Variants in TPSD1 observed in about 807,000 individuals in gnomAD.
TPSD1 encodes tryptase delta.
TPSD1 carries 30 observed loss-of-function variants against 25.4 expected under a neutral mutation model. The ratio of observed to expected loss-of-function variants is 1.18; its 90% CI spans 0.88 to 1.60. TPSD1 has a LOEUF of 1.60. Among genes scored for constraint, TPSD1 ranks in the 40% most tolerant of loss-of-function variants. TPSD1 has a pLI of 0.00. For synonymous variants in TPSD1, 176 were observed against 149.4 expected (o/e 1.18, Z -1.30); for missense variants, 420 against 324.2 (o/e 1.30, Z -2.27).
intron 3 of TPSD1, 181 bp from the exon 4 acceptor site, chr16:1,257,878 C>A: frequency 1.4e-6 from 1 of 690,920 alleles, no homozygotes; most frequent in Non-Finnish European, 2.4e-6. Flanking sequence ...AGGCCAGGGA[C>A]CCAGGACCAG....
In TPSD1 at chr16:1,258,666, CCCCTCCCCCATCCTGAG is replaced by C. The variant is rs1281732831; in HGVS notation, c.*294_*310del. 10 of 546,718 alleles carry C rather than the reference CCCCTCCCCCATCCTGAG, an allele frequency of 1.8e-5. 1 individual carries two copies. The highest frequency in any genetic ancestry group is 1.7e-4 in the African/African-American group (6 of 34,964). The allele number at this position is 546,718 out of a possible 1,614,324, so 33.9% of individuals were successfully genotyped here. On this transcript the variant is annotated 3_prime_UTR_variant, in exon 5 of 5. Coordinates refer to ENST00000211076, the MANE Select transcript of TPSD1 (RefSeq NM_012217.3). ...CCTGAGCCCCCTCCCCTTTCTTGAT[CCCCTCCCCCATCCTGAG>C]CCCCTCCCCCACCCTGAGCCCCTTC... is the stretch of plus-strand genomic sequence containing the variant.
chr16:1,256,625 C>G lies in TPSD1; in HGVS notation c.192C>G (p.His64Gln). 1 of 1,613,056 alleles carries G rather than the reference C, an allele frequency of 6.2e-7. No homozygotes were observed. The highest frequency in any genetic ancestry group is 1.1e-5 in the South Asian group (1 of 91,056). ...GAGTCCGCGGCCCATACTGGATGCA[C>G]TTCTGCGGGGGCTCCCTCATCCACC... ...SLRVRGPYWM[H>Q]FCGGSLIHPQ... The change falls in exon 2 of 5, where the codon CAC becomes CAG. Residue 64 changes from histidine to glutamine, a missense_variant. Physicochemically the swap from His to Gln is conservative, Grantham distance 24. Coordinates refer to ENST00000211076, the MANE Select transcript of TPSD1 (RefSeq NM_012217.3).
rs1173348982 is a variant in TPSD1 at position 1,258,867 on chromosome 16, G to T, written c.*491G>T. The T allele has an allele frequency of 8.0e-5, 1 of 12,480 alleles. No homozygotes were observed. Among genetic ancestry groups the T allele is most frequent in the Non-Finnish European group, 1.5e-4 (1 of 6,738 alleles). The allele number at this position is 12,480 out of a possible 1,614,324, so 0.8% of individuals were successfully genotyped here. A position where few individuals can be genotyped will look rare whatever the true frequency, so the allele number is the denominator to read the frequency against. The stretch of plus-strand genomic sequence containing the variant: ...CATCCTGAGCCCCCTCCTCCATCCT[G>T]CCCCCTCCTCCATCCTGAGCCTCCT... On this transcript the variant is annotated 3_prime_UTR_variant, in exon 5 of 5. Coordinates refer to ENST00000211076, the MANE Select transcript of TPSD1 (RefSeq NM_012217.3).
intron 3 of TPSD1, 175 bp downstream of exon 3, chr16:1,257,237 A>C: frequency 1.1e-6 from 1 of 906,294 alleles, no homozygotes; most frequent in Non-Finnish European, 1.6e-6. Context: ...AGAGACGGTG[A>C]GTCCAAAGGG....
At chr16:1,257,668 G>A (rs1016375052) in intron 3 of TPSD1, among the ~76,000 whole-genome samples, 2 of 152,110 alleles carry the variant, frequency 1.3e-5, no homozygotes, top group South Asian at 2.1e-4. Flanking sequence ...CCGCTATTCC[G>A]CCCCACACAG....
intron 3 of TPSD1, 87 bp from the exon 4 acceptor site, chr16:1,257,972 C>A: frequency 7.1e-7 from 1 of 1,411,886 alleles, no homozygotes; most frequent in Non-Finnish European, 9.7e-7. Flanking sequence ...ATGGTGCCAT[C>A]TCCCCTGCCC....
In TPSD1 at chr16:1,258,051, G is replaced by A. The variant is rs375549013; in HGVS notation, c.521-8G>A. 7.2e-5 allele frequency: 113 copies of A among 1,559,320 alleles called. No individual in the cohort carries two copies. The highest frequency in any genetic ancestry group is 2.0e-4 in the Middle Eastern group (1 of 4,914). On this transcript the variant is annotated splice_region_variant and splice_polypyrimidine_tract_variant and intron_variant, in intron 3 of 4. Coordinates refer to ENST00000211076, the MANE Select transcript of TPSD1 (RefSeq NM_012217.3). ...CAGACCCGGCTCCACGCCCCCCTCC[G>A]CCCCCAGTGCACCTGCCGCCGCCAT... is the stretch of plus-strand genomic sequence containing the variant.
Position 1,256,882 on chromosome 16 carries a change from A to T in TPSD1, c.340A>T (p.Ile114Phe). 6 of 1,613,806 alleles carry T rather than the reference A, an allele frequency of 3.7e-6. No homozygotes were observed. The highest frequency in any genetic ancestry group is 5.1e-6 in the Non-Finnish European group (6 of 1,180,024). Residue 114 changes from isoleucine to phenylalanine, a missense_variant, in exon 3 of 5, where the codon ATC (isoleucine) becomes TTC (phenylalanine). Transcript: ENST00000211076. ...GGACCAGCTGCTGCCGGTCAGCAGG[A>T]TCATCGTGCACCCACAGTTCTACAT... ...YQDQLLPVSR[I>F]IVHPQFYIIQ...
In TPSD1 at chr16:1,256,528, C is replaced by T. The variant is rs1334083833; in HGVS notation, c.95C>T (p.Ala32Val). The T allele has an allele frequency of 1.9e-6, 3 of 1,608,790 alleles. No individual in the cohort carries two copies. The Middle Eastern group carries it at 6.0e-4, about 322-fold the overall frequency. The stretch of plus-strand genomic sequence containing the variant: ...GCACCTGCCCCAGCCCCAGGCCAGG[C>T]CCTGCAGCAAACGGGCATTGTTGGG... ...PAYVAPAPGQ[A>V]LQQTGIVGGQ... The change falls in exon 2 of 5, where the codon GCC becomes GTC. Residue 32 changes from alanine to valine, a missense_variant. Transcript: ENST00000211076.
At position 1,256,317 on chromosome 16, in the gene TPSD1, C is replaced by T. The variant is rs781253182; in HGVS notation, c.37C>T (p.Leu13=). The part of the protein sequence containing the change: ...LLAPQMLSLL[L]LALPVLASPA... The stretch of plus-strand genomic sequence containing the variant: ...TGCTCCCCAGATGCTGAGCCTGCTG[C>T]TGCTGGCGCTGCCCGTCCTGGCGAG... The change falls in exon 1 of 5, where the codon CTG becomes TTG. Residue 13 remains leucine, a synonymous_variant. Transcript: ENST00000211076. 13 of 1,613,470 alleles carry T rather than the reference C, an allele frequency of 8.1e-6. No individual in the cohort carries two copies. In the East Asian group the frequency reaches 1.1e-4, roughly 14 times the overall value.
At position 1,258,515 on chromosome 16, in the gene TPSD1, A is replaced by C. The variant is rs1462712520; in HGVS notation, c.*139A>C. On this transcript the variant is annotated 3_prime_UTR_variant, in exon 5 of 5. Transcript: ENST00000211076. ...GCCCTGAGCCAGGCCTGGGGTGTCC[A>C]CCCGGGTCACTGGAGGGCCAGCCCC... The C allele has an allele frequency of 6.2e-7, 1 of 1,606,444 alleles. No homozygotes were observed. Among genetic ancestry groups the C allele is most frequent in the Non-Finnish European group, 8.5e-7 (1 of 1,175,840 alleles).
intron 3 of TPSD1, chr16:1,257,449 A>T: frequency 3.4e-6 from 1 of 297,546 alleles, no homozygotes; most frequent in South Asian, 6.4e-5. Flanking sequence ...TGTGCTACAG[A>T]CAAGGCAGGG....
rs1470684125 is a variant in TPSD1, at chr16:1,258,455, T to G, written c.*79T>G. On this transcript the variant is annotated 3_prime_UTR_variant, in exon 5 of 5. Transcript: ENST00000211076. ...TGGCATCTACACCCGTGTCACCTAC[T>G]ACTTGGACTGGATCCACCACTATGT... 1 of 1,613,520 alleles carries G rather than the reference T, an allele frequency of 6.2e-7. No individual in the cohort carries two copies. Among genetic ancestry groups the G allele is most frequent in the Non-Finnish European group, 8.5e-7 (1 of 1,179,868 alleles).
rs560642734 is a variant in TPSD1, at chr16:1,258,396, G to T, written c.*20G>T. On this transcript the variant is annotated 3_prime_UTR_variant, in exon 5 of 5. Coordinates refer to ENST00000211076, the MANE Select transcript of TPSD1 (RefSeq NM_012217.3). ...ACCTAACTGCAGGCGGGCGTGGTCA[G>T]CTGGGAGGAGAGCTGTGCCCAGCCC... 6.2e-7 allele frequency: 1 copy of T among 1,613,772 alleles called. No homozygotes were observed. Among genetic ancestry groups the T allele is most frequent in the East Asian group, 2.2e-5 (1 of 44,866 alleles).
chr16:1,257,082 G>T lies in TPSD1; in HGVS notation c.520+20G>T, dbSNP rs2141448719. The T allele has an allele frequency of 6.3e-7, 1 of 1,582,266 alleles. No homozygotes were observed. The highest frequency in any genetic ancestry group is 8.6e-7 in the Non-Finnish European group (1 of 1,163,860). On this transcript the variant is annotated intron_variant, in intron 3 of 4. Coordinates refer to ENST00000211076, the MANE Select transcript of TPSD1 (RefSeq NM_012217.3). The stretch of plus-strand genomic sequence containing the variant: ...ATAATGGTGGGTGTTGGGGACAGCG[G>T]GAGGCCGGGCCAGGTGGGCACCAAG...
chr16:1,256,677 T>A lies in TPSD1; in HGVS notation c.244T>A (p.Cys82Ser). The change falls in exon 2 of 5, where the codon TGC (cysteine) becomes AGC (serine). Residue 82 changes from cysteine to serine, a missense_variant. Coordinates refer to ENST00000211076, the MANE Select transcript of TPSD1 (RefSeq NM_012217.3). The stretch of plus-strand genomic sequence containing the variant: ...CCAGTGGGTGCTAACCGCGGCGCAC[T>A]GCGTGGAACCGTGAGTCTCCTGGGG... ...HPQWVLTAAHCVEPDIKDLAA... is the reference protein window; with the variant it reads ...HPQWVLTAAHSVEPDIKDLAA... 1 of 1,611,102 alleles carries A rather than the reference T, an allele frequency of 6.2e-7. No homozygotes were observed. Among genetic ancestry groups the A allele is most frequent in the South Asian group, 1.1e-5 (1 of 90,922 alleles).
At chr16:1,257,372 T>G (rs1764249860) in intron 3 of TPSD1, 1 of 458,684 alleles carries the variant, frequency 2.2e-6, no homozygotes. Context: ...GAGAGAGAAA[T>G]CACACGGGGG....
In TPSD1 at chr16:1,256,823, G is replaced by A. The variant is rs1427979837; in HGVS notation, c.281G>A (p.Arg94Lys). 2 of 1,612,770 alleles carry A rather than the reference G, an allele frequency of 1.2e-6. No homozygotes were observed. The highest frequency in any genetic ancestry group is 1.1e-5 in the South Asian group (1 of 91,018). The change falls in exon 3 of 5, where the codon AGG becomes AAG. Residue 94 changes from arginine to lysine, a missense_variant. By Grantham distance (26) the Arg-to-Lys change is conservative. Transcript: ENST00000211076. ...EPDIKDLAAL[R>K]VQLREQHLYY... is the part of the protein sequence containing the mutation. Reference sequence around the variant, plus strand: ...GACATCAAGGATCTGGCCGCCCTCAGGGTGCAACTGCGGGAGCAGCACCTC... The same window carrying A: ...GACATCAAGGATCTGGCCGCCCTCAAGGTGCAACTGCGGGAGCAGCACCTC...
Position 1,256,881 on chromosome 16 carries a change from G to C in TPSD1, c.339G>C (p.Arg113Ser), listed in dbSNP as rs1193241350. The change falls in exon 3 of 5, where the codon AGG becomes AGC. Residue 113 changes from arginine (R) to serine (S), a missense_variant. Transcript: ENST00000211076. ...AGGACCAGCTGCTGCCGGTCAGCAG[G>C]ATCATCGTGCACCCACAGTTCTACA... ...YYQDQLLPVS[R>S]IIVHPQFYII... 1.2e-6 allele frequency: 2 copies of C among 1,613,806 alleles called. No homozygotes were observed. The highest frequency in any genetic ancestry group is 1.7e-6 in the Non-Finnish European group (2 of 1,180,026).
Sources: allele counts gnomAD v4.1 joint callset (sites outside exome capture counted in the v4.1 genomes callset), GRCh38; gene constraint gnomAD v4.1.1; transcripts MANE v1.5; gene names NCBI Gene and HGNC (gene_info 2026-07-23, HGNC 2026-07-21).